KIRREL3: variants seen among roughly 807,000 people sequenced by gnomAD.
KIRREL3 encodes kin of IRRE-like protein 3.
In KIRREL3, 36 loss-of-function variants were observed where a neutral mutation model predicts 89.7. That is an observed-to-expected ratio of 0.40 (90% CI 0.31 to 0.53). KIRREL3 has a LOEUF of 0.53. Among genes scored for constraint, KIRREL3 ranks in the 20% least tolerant of loss-of-function variants. The pLI is 0.49. For synonymous variants in KIRREL3, 445 were observed against 441.4 expected (o/e 1.01, Z -0.10); for missense variants, 864 against 1,056.6 (o/e 0.82, Z 2.53).
chr11:126,472,440 C>T (rs1449403538), intron 5 of KIRREL3, among the ~76,000 whole-genome samples: 3 of 152,170 alleles, frequency 2.0e-5, no homozygotes, highest in African/African-American at 7.2e-5. Flanking sequence ...GGGTCTCCCT[C>T]AGGCCTCTTT....
At chr11:126,959,297 T>C (rs1441420846) in intron 1 of KIRREL3, among the ~76,000 whole-genome samples, 1 of 152,254 alleles carries the variant, frequency 6.6e-6, no homozygotes, top group African/African-American at 2.4e-5. Context: ...TCTATCTATC[T>C]AGTCTATCTC....
Position 126,704,343 on chromosome 11 carries a change from G to A in KIRREL3, c.56-141431C>T, listed in dbSNP as rs926369634. On this transcript the variant is annotated intron_variant, in intron 1 of 16. Coordinates refer to ENST00000525144, the MANE Select transcript of KIRREL3 (RefSeq NM_032531.4). The surrounding 1 kb of genome is among the most constrained non-coding windows in gnomAD (Gnocchi z 4.2). ...TGGTAGGAAGCATGTTTGTCGGGGTGTGGGGAGTGCAGGAGAGAGGAGGTG... is the reference window on the plus strand; with the variant it reads ...TGGTAGGAAGCATGTTTGTCGGGGTATGGGGAGTGCAGGAGAGAGGAGGTG... Among the ~76,000 whole-genome samples the A allele has an allele frequency of 1.3e-5, 2 of 152,206 alleles. No individual in the cohort carries two copies. Among genetic ancestry groups the A allele is most frequent in the African/African-American group, 4.8e-5 (2 of 41,450 alleles).
At chr11:126,770,987 C>T (rs986318294) in intron 1 of KIRREL3, among the ~76,000 whole-genome samples, 3 of 152,128 alleles carry the variant, frequency 2.0e-5, no homozygotes, top group Admixed American at 1.3e-4. Flanking sequence ...AGGTGCTTGC[C>T]ACCAGGCCTG....
Position 126,764,645 on chromosome 11 carries a change from T to C in KIRREL3, c.56-201733A>G, listed in dbSNP as rs1182968577. On this transcript the variant is annotated intron_variant, in intron 1 of 16. Coordinates refer to ENST00000525144, the MANE Select transcript of KIRREL3 (RefSeq NM_032531.4). This position sits in a 1 kb window ranked among gnomAD's most constrained non-coding sequence, Gnocchi z 4.2. ...TATGAGTTACAGTTTAGTTAATCTT[T>C]GGTTAGCACATGCACACGTGGGCAC... Among the ~76,000 whole-genome samples the C allele has an allele frequency of 1.3e-5, 2 of 152,226 alleles. No homozygotes were observed. Among genetic ancestry groups the C allele is most frequent in the East Asian group, 3.9e-4 (2 of 5,188 alleles).
intron 4 of KIRREL3, 132 bp from the exon 5 acceptor site, chr11:126,473,598 T>C (rs757805148): frequency 8.0e-5 from 59 of 734,390 alleles, no homozygotes; most frequent in Non-Finnish European, 1.1e-4. Flanking sequence ...ATCGTCCGCT[T>C]GTATCGTAAT....
rs539588876 is a variant in KIRREL3 at position 126,601,823 on chromosome 11, C to T, written c.56-38911G>A. ...TTCTAGGAGCTCCATTCCCTCGTGC[C>T]ATCTCCCGTTTTTAAGGACTGGACT... On this transcript the variant is annotated intron_variant, in intron 1 of 16. Transcript: ENST00000525144. The surrounding 1 kb of genome is among the most constrained non-coding windows in gnomAD (Gnocchi z 5.8). 6.6e-6 allele frequency among the ~76,000 whole-genome samples: 1 copy of T among 152,306 alleles called. No homozygotes were observed. Among genetic ancestry groups the T allele is most frequent in the South Asian group, 2.1e-4 (1 of 4,820 alleles).
In KIRREL3 at chr11:126,424,914, C is replaced by T. The variant is rs778664730; in HGVS notation, c.2003G>A (p.Arg668His). 5.0e-6 allele frequency: 8 copies of T among 1,606,802 alleles called. No individual in the cohort carries two copies. Among genetic ancestry groups the T allele is most frequent in the Admixed American group, 3.3e-5 (2 of 59,786 alleles). Reference protein sequence around the residue: ...QPDLRPAGKQRVPTGMSFTNI... With the variant: ...QPDLRPAGKQHVPTGMSFTNI... ...GGTGAAGGACATGCCTGTGGGCACA[C>T]GCTGCTTGCCCGCAGGACGCAGGTC... Residue 668 changes from arginine (R) to histidine (H), a missense_variant, in exon 17 of 17, where the codon CGT becomes CAT. By Grantham distance (29) the Arg-to-His change is conservative. Transcript: ENST00000525144.
chr11:126,619,933 A>G (rs1943510718), intron 1 of KIRREL3, among the ~76,000 whole-genome samples: 1 of 152,022 alleles, frequency 6.6e-6, no homozygotes, highest in South Asian at 2.1e-4. Flanking sequence ...TTCATTCCTC[A>G]CTTCTTGACC....
chr11:127,001,650 T>C (rs1192180715), upstream of KIRREL3, among the ~76,000 whole-genome samples: 3 of 152,142 alleles, frequency 2.0e-5, no homozygotes, highest in Non-Finnish European at 4.4e-5. Context: ...AAATTCACAC[T>C]CCACACTCAA....
intron 1 of KIRREL3, among the ~76,000 whole-genome samples, chr11:126,673,930 T>A (rs1946072295): frequency 1.3e-5 from 2 of 152,206 alleles, no homozygotes; most frequent in Admixed American, 1.3e-4. Context: ...GGAGGGCCCA[T>A]CTATGTGAAC....
At position 126,796,982 on chromosome 11, in the gene KIRREL3, T is replaced by G. The variant is rs1950832206; in HGVS notation, c.55+203473A>C. 6.6e-6 allele frequency among the ~76,000 whole-genome samples: 1 copy of G among 152,118 alleles called. No individual in the cohort carries two copies. Among genetic ancestry groups the G allele is most frequent in the African/African-American group, 2.4e-5 (1 of 41,428 alleles). On this transcript the variant is annotated intron_variant, in intron 1 of 16. Coordinates refer to ENST00000525144, the MANE Select transcript of KIRREL3 (RefSeq NM_032531.4). This position sits in a 1 kb window ranked among gnomAD's most constrained non-coding sequence, Gnocchi z 5.1. ...GGGAAGGGACCAGGGAGAATGTTTC[T>G]GGGGTGGAGGTCATATCAGGGCTGG...
At chr11:126,836,507 T>C (rs1253405308) in intron 1 of KIRREL3, among the ~76,000 whole-genome samples, 1 of 152,154 alleles carries the variant, frequency 6.6e-6, no homozygotes, top group Non-Finnish European at 1.5e-5. Context: ...AAAACATCTT[T>C]ACTGTATTGA....
Position 126,709,116 on chromosome 11 carries a change from T to C in KIRREL3, c.56-146204A>G, listed in dbSNP as rs549010060. Among the ~76,000 whole-genome samples the C allele has an allele frequency of 1.3e-5, 2 of 152,244 alleles. No homozygotes were observed. The highest frequency in any genetic ancestry group is 2.9e-5 in the Non-Finnish European group (2 of 68,048). ...GAGAGCCTACACTGTGCTGGGTCAC[T>C]GTGTTACGCTATGTGCTTGTTTCAT... On this transcript the variant is annotated intron_variant, in intron 1 of 16. Coordinates refer to ENST00000525144, the MANE Select transcript of KIRREL3 (RefSeq NM_032531.4). The surrounding 1 kb of genome is among the most constrained non-coding windows in gnomAD (Gnocchi z 4.0).
rs563394082 is a variant in KIRREL3, at chr11:126,485,367, G to A, written c.434-11901C>T. ...CCCCTGCAAAGGTTTGGGACACTGG[G>A]AAGCCCACTTCTCAGCTGGAGCTCA... On this transcript the variant is annotated intron_variant, in intron 4 of 16. Transcript: ENST00000525144. The surrounding 1 kb of genome is among the most constrained non-coding windows in gnomAD (Gnocchi z 5.8). Among the ~76,000 whole-genome samples the A allele has an allele frequency of 1.3e-5, 2 of 152,310 alleles. No homozygotes were observed. The highest frequency in any genetic ancestry group is 4.2e-4 in the South Asian group (2 of 4,818).
At position 126,830,484 on chromosome 11, in the gene KIRREL3, G is replaced by A. The variant is rs114511930; in HGVS notation, c.55+169971C>T. ...TAGCATTAACATTTCTAAGTGACAG[G>A]CCTCTGAATTGGACTGCAAGGAGCT... is the stretch of plus-strand genomic sequence containing the variant. On this transcript the variant is annotated intron_variant, in intron 1 of 16. Coordinates refer to ENST00000525144, the MANE Select transcript of KIRREL3 (RefSeq NM_032531.4). This position sits in a 1 kb window ranked among gnomAD's most constrained non-coding sequence, Gnocchi z 4.9. Among the ~76,000 whole-genome samples the A allele has an allele frequency of 1.1e-3, 166 of 152,220 alleles. 1 individual carries two copies. The highest frequency in any genetic ancestry group is 3.7e-3 in the African/African-American group (155 of 41,544).
At chr11:126,961,413 C>T (rs1949082870) in intron 1 of KIRREL3, among the ~76,000 whole-genome samples, 1 of 152,200 alleles carries the variant, frequency 6.6e-6, no homozygotes, top group African/African-American at 2.4e-5. Flanking sequence ...TATAGAGAAA[C>T]TTCTGGTGGT....
At chr11:126,828,917 G>C (rs1943509298) in intron 1 of KIRREL3, among the ~76,000 whole-genome samples, 1 of 152,198 alleles carries the variant, frequency 6.6e-6, no homozygotes. Context: ...AGAGGGGACA[G>C]TGAGATGGGA....
intron 4 of KIRREL3, among the ~76,000 whole-genome samples, chr11:126,479,723 G>A (rs960116057): frequency 5.9e-5 from 9 of 152,174 alleles, no homozygotes; most frequent in African/African-American, 1.7e-4. Flanking sequence ...TCGCTCCCCC[G>A]GGGCCGGCCA....
At chr11:126,733,965 G>A (rs984449339) in intron 1 of KIRREL3, among the ~76,000 whole-genome samples, 2 of 152,234 alleles carry the variant, frequency 1.3e-5, no homozygotes, top group Non-Finnish European at 2.9e-5. Flanking sequence ...TGCAGGCACA[G>A]AGTGACAGGC....
Sources: gnomAD v4.1 joint callset for allele counts (sites outside exome capture counted in the v4.1 genomes callset) on GRCh38, gnomAD v4.1.1 for gene constraint, Gnocchi (gnomAD v3.1) non-coding constraint, MANE v1.5 for transcripts, NCBI Gene and HGNC (gene_info 2026-07-23, HGNC 2026-07-21) for gene names.